TTBK2: variants seen among roughly 807,000 people sequenced by gnomAD.
TTBK2 encodes tau tubulin kinase 2, also known as tau-tubulin kinase 2.
TTBK2 carries 28 observed loss-of-function variants against 110.8 expected under a neutral mutation model. The observed-to-expected ratio is 0.25, with a 90% confidence interval of 0.19 to 0.35. The LOEUF is 0.35. Ranked by LOEUF, TTBK2 falls within the 10% of genes least tolerant of loss-of-function variation. The pLI, the probability that TTBK2 is intolerant of heterozygous loss-of-function variation, is 1.00. For missense variants in TTBK2, 1,369 were observed against 1,500.3 expected (o/e 0.91, Z 1.45); for synonymous variants, 532 against 527.3 (o/e 1.01, Z -0.12).
At chr15:42,763,151 T>TAC (rs1567008739) in intron 13 of TTBK2, among the ~76,000 whole-genome samples, 66 of 60,394 alleles carry the variant, frequency 1.1e-3, no homozygotes, top group African/African-American at 7.2e-3. Context: ...TACATATATA[T>TAC]ATATACATAT....
chr15:42,825,722 TA>T (rs1892504062), intron 6 of TTBK2, among the ~76,000 whole-genome samples: 1 of 151,824 alleles, frequency 6.6e-6, no homozygotes, highest in Admixed American at 6.6e-5. Context: ...CTCGAAAAAA[TA>T]AAATAAAATA....
intron 3 of TTBK2, among the ~76,000 whole-genome samples, chr15:42,859,257 C>T (rs1345121763): frequency 6.6e-6 from 1 of 152,050 alleles, no homozygotes; most frequent in East Asian, 1.9e-4. Flanking sequence ...CAGGTGCACA[C>T]CACCATGTCC....
chr15:42,859,297 G>A (rs1469366216), intron 3 of TTBK2, among the ~76,000 whole-genome samples: 1 of 151,906 alleles, frequency 6.6e-6, no homozygotes, highest in African/African-American at 2.4e-5. Context: ...TTGTATAGGT[G>A]GGATTTCACC....
chr15:42,788,778 C>T (rs907582098), intron 10 of TTBK2, among the ~76,000 whole-genome samples: 2 of 152,150 alleles, frequency 1.3e-5, no homozygotes, highest in African/African-American at 4.8e-5. Flanking sequence ...CTCTTATACA[C>T]AGCATATGAA....
intron 11 of TTBK2, 74 bp from the exon 12 acceptor site, chr15:42,777,316 C>T (rs1889975625): frequency 7.0e-7 from 1 of 1,427,950 alleles, no homozygotes; most frequent in Admixed American, 1.9e-5. Context: ...TGAAGCCTTT[C>T]AAAATAATAT....
chr15:42,872,493 C>A, intron 3 of TTBK2, 118 bp downstream of exon 3: 1 of 1,211,608 alleles, frequency 8.3e-7, no homozygotes, highest in Non-Finnish European at 1.2e-6. Flanking sequence ...TATTTATACC[C>A]GGCTGACACC....
At chr15:42,847,838 T>A (rs2141036714) in intron 3 of TTBK2, among the ~76,000 whole-genome samples, 1 of 152,330 alleles carries the variant, frequency 6.6e-6, no homozygotes, top group Admixed American at 6.5e-5. Context: ...CGTTTTAAAA[T>A]CATATAGTTT....
intron 1 of TTBK2, 97 bp from the exon 2 acceptor site, chr15:42,878,781 A>C (rs561372570): frequency 1.4e-6 from 2 of 1,430,302 alleles, no homozygotes; most frequent in Non-Finnish European, 1.9e-6. Flanking sequence ...AATACTATAC[A>C]CTAATTAGGC....
chr15:42,858,172 G>A (rs1301496086), intron 3 of TTBK2, among the ~76,000 whole-genome samples: 1 of 152,140 alleles, frequency 6.6e-6, no homozygotes, highest in Admixed American at 6.5e-5. Context: ...GCAAAGTAAT[G>A]TCTGCCAAAT....
In TTBK2 at chr15:42,741,216, T is replaced by C. The variant is rs2061748971; in HGVS notation, c.*4579A>G. The C allele has an allele frequency of 6.6e-6, 1 of 152,240 alleles. No homozygotes were observed. The highest frequency in any genetic ancestry group is 1.5e-5 in the Non-Finnish European group (1 of 68,040). 9.4% of individuals were successfully genotyped at this position (152,240 alleles called of 1,614,324 possible). A position where few individuals can be genotyped will look rare whatever the true frequency, so the allele number is the denominator to read the frequency against. On this transcript the variant is annotated 3_prime_UTR_variant, in exon 15 of 15. Coordinates refer to ENST00000267890, the MANE Select transcript of TTBK2 (RefSeq NM_173500.4). Reference sequence around the variant, plus strand: ...CTCAAGGCACACACCAGAGTTCCACTGGGTGAGGACAGGGAAGTAGGATGT... The same window carrying C: ...CTCAAGGCACACACCAGAGTTCCACCGGGTGAGGACAGGGAAGTAGGATGT...
intron 1 of TTBK2, among the ~76,000 whole-genome samples, chr15:42,882,218 AAC>A (rs374173638): frequency 3.3e-5 from 5 of 150,828 alleles, no homozygotes; most frequent in East Asian, 1.9e-4. Flanking sequence ...CAATAAGCAC[AAC>A]ACACACACAC....
chr15:42,841,152 T>C (rs1307030571), intron 3 of TTBK2, among the ~76,000 whole-genome samples: 1 of 152,226 alleles, frequency 6.6e-6, no homozygotes. Flanking sequence ...CAGTTCTATA[T>C]TGATTCAGAA....
At chr15:42,764,859 G>A (rs1889282639) in intron 13 of TTBK2, among the ~76,000 whole-genome samples, 1 of 152,260 alleles carries the variant, frequency 6.6e-6, no homozygotes, top group Admixed American at 6.5e-5. Context: ...CCCAGTAGGG[G>A]CTGAGTGTCA....
chr15:42,916,330 T>C (rs527307560), intron 1 of TTBK2, among the ~76,000 whole-genome samples: 22 of 152,294 alleles, frequency 1.4e-4, no homozygotes, highest in African/African-American at 5.3e-4. Context: ...GAAAAATGTT[T>C]TTTGTTTTTG....
In TTBK2 at chr15:42,878,637, A is replaced by G. The variant is rs1017668216; in HGVS notation, c.-20T>C. On this transcript the variant is annotated 5_prime_UTR_variant, in exon 2 of 15. Coordinates refer to ENST00000267890, the MANE Select transcript of TTBK2 (RefSeq NM_173500.4). ...ACTCATTGCAATACACTGATATGGT[A>G]GAACAGCTACACAGGCATCCAGTTC... The G allele has an allele frequency of 3.7e-6, 6 of 1,613,846 alleles. No individual in the cohort carries two copies. The African/African-American group carries it at 6.7e-5, about 18-fold the overall frequency.
chr15:42,810,401 T>C (rs769384045), intron 9 of TTBK2, among the ~76,000 whole-genome samples: 2 of 152,170 alleles, frequency 1.3e-5, no homozygotes, highest in Non-Finnish European at 2.9e-5. Flanking sequence ...AAAACTCGAA[T>C]GAAGTTAAGT....
intron 1 of TTBK2, among the ~76,000 whole-genome samples, chr15:42,885,173 G>C (rs1448237003): frequency 6.6e-6 from 1 of 152,156 alleles, no homozygotes; most frequent in Non-Finnish European, 1.5e-5. Context: ...TCTTCACACA[G>C]ACACGTGAGA....
At chr15:42,804,686 A>G (rs1197417533) in intron 9 of TTBK2, among the ~76,000 whole-genome samples, 1 of 152,252 alleles carries the variant, frequency 6.6e-6, no homozygotes, top group Non-Finnish European at 1.5e-5. Context: ...CATAAAGTAC[A>G]GAATACTACC....
At chr15:42,807,868 T>A (rs1891541493) in intron 9 of TTBK2, among the ~76,000 whole-genome samples, 1 of 152,328 alleles carries the variant, frequency 6.6e-6, no homozygotes, top group East Asian at 1.9e-4. Context: ...AAACATTATT[T>A]ATGCACTTAT....
Sources: gnomAD v4.1 joint callset for allele counts (sites outside exome capture counted in the v4.1 genomes callset) on GRCh38, gnomAD v4.1.1 for gene constraint, MANE v1.5 for transcripts, NCBI Gene and HGNC (gene_info 2026-07-23, HGNC 2026-07-21) for gene names.